Variants in TAFA2 observed in about 807,000 individuals in gnomAD.
TAFA2 encodes the protein chemokine-like protein TAFA-2.
TAFA2 carries 7 observed loss-of-function variants against 18.8 expected under a neutral mutation model. That is an observed-to-expected ratio of 0.37 (90% CI 0.21 to 0.70). TAFA2 has a LOEUF of 0.70. Among genes scored for constraint, TAFA2 ranks in the 30% least tolerant of loss-of-function variants. TAFA2 has a pLI of 0.53. For missense variants in TAFA2, 122 were observed against 158.1 expected (o/e 0.77, Z 1.23); for synonymous variants, 60 against 54.2 (o/e 1.11, Z -0.47).
At chr12:62,153,151 G>A (rs1310854218) in intron 1 of TAFA2, among the ~76,000 whole-genome samples, 1 of 152,168 alleles carries the variant, frequency 6.6e-6, no homozygotes, top group East Asian at 1.9e-4. Context: ...AGAGTGGCTG[G>A]TGGTGGCTGT....
intron 1 of TAFA2, among the ~76,000 whole-genome samples, chr12:61,988,376 A>C (rs1433253925): frequency 6.6e-6 from 1 of 152,228 alleles, no homozygotes; most frequent in Non-Finnish European, 1.5e-5. Context: ...TACATAAAAT[A>C]GTTAATAATT....
At chr12:61,994,613 T>C (rs978948807) in intron 1 of TAFA2, among the ~76,000 whole-genome samples, 6 of 152,180 alleles carry the variant, frequency 3.9e-5, no homozygotes, top group Non-Finnish European at 8.8e-5. Context: ...ATATTTCTAA[T>C]CATTTTTCCC....
chr12:62,067,961 T>C (rs1290328681), intron 1 of TAFA2, among the ~76,000 whole-genome samples: 1 of 152,028 alleles, frequency 6.6e-6, no homozygotes, highest in Admixed American at 6.6e-5. Context: ...TTTAATAATT[T>C]TTGTTTTTAC....
chr12:62,020,250 C>T (rs1172264723), intron 1 of TAFA2, among the ~76,000 whole-genome samples: 2 of 152,132 alleles, frequency 1.3e-5, no homozygotes, highest in Non-Finnish European at 2.9e-5. Context: ...TAAAATACAA[C>T]GTGAAAACTG....
intron 1 of TAFA2, among the ~76,000 whole-genome samples, chr12:62,146,006 T>C (rs1434358828): frequency 1.3e-5 from 2 of 152,190 alleles, no homozygotes; most frequent in East Asian, 3.9e-4. Context: ...TGCCAAATGA[T>C]GGGAATGTTG....
intron 1 of TAFA2, among the ~76,000 whole-genome samples, chr12:62,257,595 T>A (rs182468831): frequency 3.2e-4 from 48 of 152,290 alleles, no homozygotes; most frequent in Admixed American, 1.4e-3. Flanking sequence ...AGGTCCAGCT[T>A]GTTCATATCT....
chr12:62,021,459 G>T, intron 1 of TAFA2: 4 of 430,422 alleles, frequency 9.3e-6, no homozygotes, highest in East Asian at 5.8e-5. Flanking sequence ...AGACCCCAAA[G>T]TCCACTGCAT....
intron 1 of TAFA2, among the ~76,000 whole-genome samples, chr12:62,209,628 T>C (rs1014082973): frequency 2.0e-5 from 3 of 152,186 alleles, no homozygotes; most frequent in Non-Finnish European, 2.9e-5. Flanking sequence ...GCTAGCTAAA[T>C]AGATATTAGC....
chr12:61,757,432 TC>T (rs1353962409), intron 2 of TAFA2, among the ~76,000 whole-genome samples: 1 of 151,996 alleles, frequency 6.6e-6, no homozygotes, highest in Non-Finnish European at 1.5e-5. Context: ...TATCTGTACT[TC>T]TGTTGGGGCC....
intron 1 of TAFA2, among the ~76,000 whole-genome samples, chr12:62,250,623 GTTTA>G (rs539331656): frequency 9.9e-4 from 150 of 152,130 alleles, no homozygotes; most frequent in Non-Finnish European, 1.7e-3. Context: ...AATATTGCCT[GTTTA>G]TTTTTTATTC....
At chr12:61,905,823 C>A (rs144584768) in intron 1 of TAFA2, among the ~76,000 whole-genome samples, 1 of 151,978 alleles carries the variant, frequency 6.6e-6, no homozygotes, top group Non-Finnish European at 1.5e-5. Context: ...TTATTAAATC[C>A]CCTAACAAAA....
At chr12:62,244,220 G>C (rs1347416543) in intron 1 of TAFA2, among the ~76,000 whole-genome samples, 1 of 145,232 alleles carries the variant, frequency 6.9e-6, no homozygotes, top group Non-Finnish European at 1.5e-5. Context: ...ATTGTTATTT[G>C]GGGGTGTTTC....
chr12:62,158,046 G>A (rs1349888631), intron 1 of TAFA2, among the ~76,000 whole-genome samples: 3 of 152,044 alleles, frequency 2.0e-5, no homozygotes, highest in Non-Finnish European at 2.9e-5. Flanking sequence ...GACTCTGATA[G>A]TCATAGGTTA....
intron 1 of TAFA2, among the ~76,000 whole-genome samples, chr12:62,203,587 T>G (rs11609226): frequency 0.085 from 12,876 of 152,320 alleles, 686 homozygotes; most frequent in Middle Eastern, 0.18. Flanking sequence ...TTTACCATTA[T>G]GTAATGCCCT....
chr12:61,804,299 A>C (rs1444291966), intron 2 of TAFA2, among the ~76,000 whole-genome samples: 1 of 152,036 alleles, frequency 6.6e-6, no homozygotes, highest in African/African-American at 2.4e-5. Context: ...TATTATGTCT[A>C]TCTTTAAATA....
chr12:61,844,126 T>C (rs1873304095), intron 2 of TAFA2, among the ~76,000 whole-genome samples: 1 of 152,178 alleles, frequency 6.6e-6, no homozygotes, highest in African/African-American at 2.4e-5. Context: ...ATTCATTTAA[T>C]AATTTCTGCC....
At chr12:62,237,442 G>A (rs2062843259) in intron 1 of TAFA2, among the ~76,000 whole-genome samples, 1 of 152,184 alleles carries the variant, frequency 6.6e-6, no homozygotes, top group Non-Finnish European at 1.5e-5. Context: ...ATATTGTTTT[G>A]CTGTGTTATC....
In TAFA2 at chr12:62,170,727, T is replaced by C. The variant is rs1461082734; in HGVS notation, c.-2+20532A>G. Among the ~76,000 whole-genome samples, 3 of 152,212 alleles carry C rather than the reference T, an allele frequency of 2.0e-5. No homozygotes were observed. In the East Asian group the frequency reaches 5.8e-4, roughly 29 times the overall value. ...TATTGTAACCATTACCTGAATAATG[T>C]ACATTGCACCCATTAAGTAAATTCT... On this transcript the variant is annotated intron_variant, in intron 1 of 4. Coordinates refer to ENST00000416284, the MANE Select transcript of TAFA2 (RefSeq NM_178539.5).
chr12:61,752,379 T>C (rs751610913), intron 4 of TAFA2, among the ~76,000 whole-genome samples: 4 of 152,020 alleles, frequency 2.6e-5, no homozygotes, highest in Admixed American at 6.6e-5. Context: ...TTAAGTCCTG[T>C]TTTTGGACTG....
Sources: gnomAD v4.1 joint callset for allele counts (sites outside exome capture counted in the v4.1 genomes callset) on GRCh38, gnomAD v4.1.1 for gene constraint, MANE v1.5 for transcripts, NCBI Gene and HGNC (gene_info 2026-07-23, HGNC 2026-07-21) for gene names.